The following FAM209A variants were observed in gnomAD, a reference collection of about 807,000 sequenced individuals.
The protein encoded by FAM209A is family with sequence similarity 209 member A, also known as protein FAM209A.
In FAM209A, 4 loss-of-function variants were observed where a neutral mutation model predicts 9.8. The observed-to-expected ratio is 0.41, with a 90% confidence interval of 0.20 to 0.94. FAM209A has a LOEUF of 0.94. Ranked by LOEUF, FAM209A falls within the 40% of genes least tolerant of loss-of-function variation. The pLI is 0.32. For synonymous variants in FAM209A, 55 were observed against 77.8 expected (o/e 0.71, Z 1.54); for missense variants, 205 against 209.4 (o/e 0.98, Z 0.13).
rs73289086 is a variant in FAM209A, at chr20:56,525,642, C to T, written c.250-162C>T. 4.6e-4 allele frequency: 335 copies of T among 725,448 alleles called. 1 individual carries two copies. Among genetic ancestry groups the T allele is most frequent in the African/African-American group, 4.1e-3 (234 of 57,028 alleles). The allele number at this position is 725,448 out of a possible 1,614,324, so 44.9% of individuals were successfully genotyped here. A position where few individuals can be genotyped will look rare whatever the true frequency, so the allele number is the denominator to read the frequency against. ...TGCCCAAACTGATGAGAGCAGGGATCGGCAAACCCTTCCCGTAAAGGGCCA... is the reference window on the plus strand; with the variant it reads ...TGCCCAAACTGATGAGAGCAGGGATTGGCAAACCCTTCCCGTAAAGGGCCA... On this transcript the variant is annotated intron_variant, in intron 1 of 1. Transcript: ENST00000371328.
chr20:56,530,729 G>A (rs977547407), downstream of FAM209A, among the ~76,000 whole-genome samples: 2 of 148,446 alleles, frequency 1.3e-5, no homozygotes, highest in African/African-American at 5.0e-5. Context: ...GGCTGGTCTC[G>A]AACTCCTGAC....
In FAM209A at chr20:56,525,094, T is replaced by G. The variant is rs773932132; in HGVS notation, c.249+37T>G. 5.6e-6 allele frequency: 9 copies of G among 1,607,122 alleles called. No individual in the cohort carries two copies. The African/African-American group carries it at 1.2e-4, about 22-fold the overall frequency. On this transcript the variant is annotated intron_variant, in intron 1 of 1. Coordinates refer to ENST00000371328, the MANE Select transcript of FAM209A (RefSeq NM_001012971.4). ...TCCATTTTTTTTACACCATATTGAT[T>G]CAATCTCAGGAGTCTCAGGGAAACG...
rs1454793120 is a variant in FAM209A, at chr20:56,525,088, A to G, written c.249+31A>G. On this transcript the variant is annotated intron_variant, in intron 1 of 1. Transcript: ENST00000371328. The stretch of plus-strand genomic sequence containing the variant: ...GATGGCTCCATTTTTTTTACACCAT[A>G]TTGATTCAATCTCAGGAGTCTCAGG... The G allele has an allele frequency of 6.8e-6, 11 of 1,608,994 alleles. No individual in the cohort carries two copies. The African/African-American group carries it at 1.5e-4, about 22-fold the overall frequency.
the FAM209A span, chr20:56,533,231 G>T: frequency 3.2e-6 from 5 of 1,564,104 alleles, no homozygotes; most frequent in South Asian, 6.2e-5. Context: ...GGTGGCCTCA[G>T]CTCAGGGCCT....
chr20:56,526,473 C>CGG, downstream of FAM209A, among the ~76,000 whole-genome samples: 1 of 152,170 alleles, frequency 6.6e-6, no homozygotes, highest in Non-Finnish European at 1.5e-5. Context: ...TTACAAAAGA[C>CGG]AGCATTAATG....
At chr20:56,527,286 T>C (rs1314421213), downstream of FAM209A, among the ~76,000 whole-genome samples, 1 of 152,102 alleles carries the variant, frequency 6.6e-6, no homozygotes, top group East Asian at 1.9e-4. Flanking sequence ...TTGGCACTTG[T>C]GTTCTGTGAG....
chr20:56,533,503 C>T, the FAM209A span: 3 of 1,614,198 alleles, frequency 1.9e-6, no homozygotes, highest in African/African-American at 4.0e-5. Context: ...ACACCCAAGG[C>T]TGGCTTGGGA....
chr20:56,533,110 A>G, the FAM209A span: 1 of 1,398,762 alleles, frequency 7.1e-7, no homozygotes, highest in Non-Finnish European at 9.3e-7. Flanking sequence ...CGTCGTGCCT[A>G]TCCTCTCTCT....
chr20:56,527,021 T>A (rs1338097276), downstream of FAM209A, among the ~76,000 whole-genome samples: 2 of 152,222 alleles, frequency 1.3e-5, no homozygotes, highest in African/African-American at 4.8e-5. Flanking sequence ...TTATCCTACT[T>A]ATTCAAAATG....
Position 56,526,034 on chromosome 20 carries a change from G to A in FAM209A, c.480G>A (p.Thr160=), listed in dbSNP as rs1054364. Residue 160 remains threonine, a synonymous_variant, in exon 2 of 2, where the codon ACG becomes ACA. Coordinates refer to ENST00000371328, the MANE Select transcript of FAM209A (RefSeq NM_001012971.4). ...TGCCTGCAGATCCATACCATGTCAC[G>A]ATCTGTGAAATATGGGGAGAAGAAA... The part of the protein sequence containing the change: ...SEMPADPYHV[T]ICEIWGEESS... 2.3e-5 allele frequency: 37 copies of A among 1,611,338 alleles called. No individual in the cohort carries two copies. Among genetic ancestry groups the A allele is most frequent in the East Asian group, 4.5e-5 (2 of 44,848 alleles).
At chr20:56,531,818 G>T in the FAM209A span, among the ~76,000 whole-genome samples, 1 of 151,520 alleles carries the variant, frequency 6.6e-6, no homozygotes, top group Admixed American at 6.6e-5. Flanking sequence ...TAGAGATGGG[G>T]TCTCGCTATG....
chr20:56,532,075 A>G, the FAM209A span, among the ~76,000 whole-genome samples: 1 of 148,868 alleles, frequency 6.7e-6, no homozygotes, highest in African/African-American at 2.5e-5. Flanking sequence ...CCTGGGTTCA[A>G]GTGATTCTCC....
chr20:56,530,663 AT>A (rs34007542), downstream of FAM209A, among the ~76,000 whole-genome samples: 1,400 of 138,148 alleles, frequency 0.01, 13 homozygotes, highest in African/African-American at 0.029. Context: ...CACTCAGCTA[AT>A]TTTTTTTTTT....
chr20:56,530,663 A>ATTTTTTTTTTTTTTTTT (rs34007542), downstream of FAM209A, among the ~76,000 whole-genome samples: 1 of 138,226 alleles, frequency 7.2e-6, no homozygotes, highest in Non-Finnish European at 1.5e-5. Context: ...CACTCAGCTA[A>ATTTTTTTTTTTTTTTTT]TTTTTTTTTT....
At chr20:56,528,449 AAATT>A, downstream of FAM209A, among the ~76,000 whole-genome samples, 1 of 149,988 alleles carries the variant, frequency 6.7e-6, no homozygotes, top group East Asian at 2.1e-4. Flanking sequence ...AAAAAAAAAA[AAATT>A]AGCCGGGCAT....
downstream of FAM209A, among the ~76,000 whole-genome samples, chr20:56,526,981 CA>C (rs1985555525): frequency 6.6e-6 from 1 of 152,124 alleles, no homozygotes; most frequent in South Asian, 2.1e-4. Context: ...GTGTGCTAAC[CA>C]GGGGCTCCCA....
chr20:56,526,477 A>G (rs11086549), downstream of FAM209A, among the ~76,000 whole-genome samples: 55,365 of 151,678 alleles, frequency 0.37, 10,877 homozygotes, highest in Non-Finnish European at 0.45. Flanking sequence ...AAAAGACAGC[A>G]TTAATGATAG....
Position 56,524,997 on chromosome 20 carries a change from T to G in FAM209A, c.189T>G (p.Leu63=). Residue 63 remains leucine (L), a synonymous_variant, in exon 1 of 2, where the codon CTT becomes CTG. Transcript: ENST00000371328. ...QGWLGSKWLW[L]LFVVVPFVIL... ...GGCTTGGGAGCAAATGGCTCTGGCT[T>G]CTTTTTGTTGTTGTGCCGTTTGTGA... 1.2e-6 allele frequency: 2 copies of G among 1,614,220 alleles called. No individual in the cohort carries two copies. The highest frequency in any genetic ancestry group is 1.7e-6 in the Non-Finnish European group (2 of 1,180,040).
downstream of FAM209A, among the ~76,000 whole-genome samples, chr20:56,526,462 A>G (rs976448637): frequency 3.9e-5 from 6 of 152,158 alleles, no homozygotes; most frequent in Non-Finnish European, 4.4e-5. Flanking sequence ...TCTTTGATTT[A>G]TTACAAAAGA....
Sources: gnomAD v4.1 joint callset for allele counts (sites outside exome capture counted in the v4.1 genomes callset) on GRCh38, gnomAD v4.1.1 for gene constraint, MANE v1.5 for transcripts, NCBI Gene and HGNC (gene_info 2026-07-23, HGNC 2026-07-21) for gene names.